The following CLCN5 variants were observed in gnomAD, a reference collection of about 807,000 sequenced individuals.
CLCN5 encodes Cl-/H+ antiporter 5.
CLCN5 carries 17 observed loss-of-function variants against 54.0 expected under a neutral mutation model. That is an observed-to-expected ratio of 0.31 (90% CI 0.22 to 0.47). The LOEUF is 0.47. Ranked by LOEUF, CLCN5 falls within the 20% of genes least tolerant of loss-of-function variation. CLCN5 has a pLI of 1.00. For synonymous variants in CLCN5, 222 were observed against 233.0 expected, an observed-to-expected ratio of 0.95 and a Z score of 0.43; for missense variants, 448 against 646.7, an observed-to-expected ratio of 0.69 and a Z score of 3.33.
At chrX:50,069,208 T>A (rs1379060177) in intron 4 of CLCN5, among the ~76,000 whole-genome samples, 14 of 111,756 alleles carry the variant, frequency 1.3e-4, no homozygotes, top group African/African-American at 4.6e-4. Context: ...CTATGATGGG[T>A]GGGCAGGTGG....
At chrX:50,066,385 C>G (rs1225832530) in intron 4 of CLCN5, among the ~76,000 whole-genome samples, 4 of 111,345 alleles carry the variant, frequency 3.6e-5, no homozygotes, top group African/African-American at 1.3e-4. Flanking sequence ...GCATACAGGT[C>G]CCATGCAGTG....
intron 3 of CLCN5, among the ~76,000 whole-genome samples, chrX:49,931,627 C>T (rs1256102350): frequency 4.5e-5 from 5 of 111,298 alleles, no homozygotes; most frequent in Non-Finnish European, 9.4e-5. Context: ...TGGTGGCTTA[C>T]ACCTGTAATC....
At chrX:50,027,173 C>T (rs2147444569) in intron 3 of CLCN5, among the ~76,000 whole-genome samples, 1 of 109,765 alleles carries the variant, frequency 9.1e-6, no homozygotes, top group Admixed American at 9.8e-5. Context: ...CACCACCATG[C>T]CTGGCTAATT....
chrX:50,082,929 G>A (rs1052676151), intron 9 of CLCN5, among the ~76,000 whole-genome samples: 13 of 110,703 alleles, frequency 1.2e-4, no homozygotes, highest in Non-Finnish European at 2.1e-4. Context: ...AATTAGTCCC[G>A]CCATGGCACC....
At chrX:49,997,090 T>C (rs1929561005) in intron 3 of CLCN5, among the ~76,000 whole-genome samples, 1 of 111,512 alleles carries the variant, frequency 9.0e-6, no homozygotes, top group African/African-American at 3.3e-5. Flanking sequence ...AGTTCAGCAT[T>C]TTCATTTTAT....
At chrX:50,036,965 G>T (rs782807613) in intron 3 of CLCN5, among the ~76,000 whole-genome samples, 9 of 112,151 alleles carry the variant, frequency 8.0e-5, no homozygotes, top group Non-Finnish European at 1.7e-4. Context: ...TGCTTGCGAG[G>T]TTGAGTGCTT....
intron 4 of CLCN5, among the ~76,000 whole-genome samples, chrX:50,060,781 T>C (rs1194409261): frequency 9.3e-6 from 1 of 107,805 alleles, no homozygotes; most frequent in South Asian, 3.9e-4. Flanking sequence ...AAGAGAGCAG[T>C]GGTTCTCCCA....
At chrX:49,955,809 G>T (rs142725364) in intron 3 of CLCN5, among the ~76,000 whole-genome samples, 19 of 111,501 alleles carry the variant, frequency 1.7e-4, no homozygotes, top group African/African-American at 6.2e-4. Flanking sequence ...TAAAACTGTC[G>T]AACTGTAGTG....
At chrX:50,045,204 G>A (rs1433538663) in intron 4 of CLCN5, among the ~76,000 whole-genome samples, 3 of 111,502 alleles carry the variant, frequency 2.7e-5, no homozygotes, top group African/African-American at 9.8e-5. Context: ...GCCTTGGGAA[G>A]ATATGTCAGG....
At chrX:50,040,969 AGC>A (rs1467043542) in intron 3 of CLCN5, among the ~76,000 whole-genome samples, 1 of 111,499 alleles carries the variant, frequency 9.0e-6, no homozygotes, top group Non-Finnish European at 1.9e-5. Context: ...AGCCTTTTGC[AGC>A]TTTCAGTTTC....
chrX:49,952,283 A>G (rs781795553), intron 3 of CLCN5, among the ~76,000 whole-genome samples: 125 of 110,557 alleles, frequency 1.1e-3, no homozygotes, highest in African/African-American at 2.2e-3. Context: ...CAGTACCACT[A>G]TGTTCAAGTC....
chrX:49,990,656 T>G (rs1557178820), intron 3 of CLCN5, among the ~76,000 whole-genome samples: 1 of 112,052 alleles, frequency 8.9e-6, no homozygotes, highest in Admixed American at 9.4e-5. Flanking sequence ...CAGGCTGGTC[T>G]CAAACTCCTT....
intron 7 of CLCN5, among the ~76,000 whole-genome samples, chrX:50,080,175 C>T (rs782094383): frequency 4.5e-5 from 5 of 111,308 alleles, no homozygotes; most frequent in East Asian, 5.6e-4. Flanking sequence ...ACTTTAGATC[C>T]GCTCTTCACT....
At chrX:49,924,830 C>T (rs1925263957) in intron 2 of CLCN5, among the ~76,000 whole-genome samples, 1 of 111,911 alleles carries the variant, frequency 8.9e-6, no homozygotes, top group Non-Finnish European at 1.9e-5. Flanking sequence ...TTGGTTAGGG[C>T]ACTGGATATT....
At chrX:49,982,679 C>T (rs1414625748) in intron 3 of CLCN5, among the ~76,000 whole-genome samples, 1 of 111,474 alleles carries the variant, frequency 9.0e-6, no homozygotes, top group Non-Finnish European at 1.9e-5. Flanking sequence ...AGCTTGTGTG[C>T]GTGTATGGAA....
chrX:50,083,738 T>C (rs1933789159), intron 9 of CLCN5, among the ~76,000 whole-genome samples: 1 of 112,038 alleles, frequency 8.9e-6, no homozygotes, highest in African/African-American at 3.2e-5. Flanking sequence ...ATGGTAGCAA[T>C]TACAGAAGCT....
intron 3 of CLCN5, among the ~76,000 whole-genome samples, chrX:49,979,147 G>A (rs1928614704): frequency 9.0e-6 from 1 of 111,129 alleles, no homozygotes; most frequent in African/African-American, 3.3e-5. Flanking sequence ...AAAGAAAGAA[G>A]GGAATACCTT....
At chrX:50,030,033 A>C (rs981869092) in intron 3 of CLCN5, among the ~76,000 whole-genome samples, 2 of 112,386 alleles carry the variant, frequency 1.8e-5, no homozygotes. Context: ...CAAAATCTAC[A>C]GATAAATTTG....
At position 49,972,112 on chromosome X, in the gene CLCN5, G is replaced by GGTGTGT. The variant is rs61157983; in HGVS notation, c.16+46841_16+46846dup. On this transcript the variant is annotated intron_variant, in intron 3 of 14. Transcript: ENST00000376091. ...ATTTGCTTTATCATATGCATTCTCT[G>GGTGTGT]GTGTGTGTGTGTGTGTGTGTGTGTG... 4.3e-3 allele frequency among the ~76,000 whole-genome samples: 373 copies of GGTGTGT among 86,587 alleles called. 4 individuals are homozygous for GGTGTGT. Among genetic ancestry groups the GGTGTGT allele is most frequent in the South Asian group, 0.016 (22 of 1,404 alleles). 75.2% of individuals were successfully genotyped at this position (86,587 alleles called of 115,157 possible). A position where few individuals can be genotyped will look rare whatever the true frequency, so the allele number is the denominator to read the frequency against.
Sources: allele counts gnomAD v4.1 joint callset (sites outside exome capture counted in the v4.1 genomes callset), GRCh38; gene constraint gnomAD v4.1.1; transcripts MANE v1.5; gene names NCBI Gene and HGNC (gene_info 2026-07-23, HGNC 2026-07-21).